The following SPC25 variants were observed in gnomAD, a reference collection of about 807,000 sequenced individuals.
The protein encoded by SPC25 is kinetochore protein Spc25.
Under a neutral mutation model 29.6 loss-of-function variants are expected in SPC25, and 22 were observed. That is an observed-to-expected ratio of 0.74 (90% CI 0.53 to 1.06). The LOEUF (loss-of-function observed/expected upper bound fraction) is 1.06. SPC25 is among the 50% of genes least tolerant of loss of function. SPC25 has a pLI of 0.00. For synonymous variants in SPC25, 91 were observed against 90.4 expected, an observed-to-expected ratio of 1.01 and a Z score of -0.04; for missense variants, 230 against 255.8, an observed-to-expected ratio of 0.90 and a Z score of 0.69.
chr2:168,874,194 C>A (rs943811389), intron 5 of SPC25, among the ~76,000 whole-genome samples: 8 of 151,968 alleles, frequency 5.3e-5, no homozygotes, highest in African/African-American at 1.9e-4. Flanking sequence ...CATTTCATAC[C>A]CAGTAGGATG....
intron 4 of SPC25, 60 bp from the exon 5 acceptor site, chr2:168,876,236 GA>G: frequency 8.5e-7 from 1 of 1,179,806 alleles, no homozygotes; most frequent in South Asian, 1.7e-5. Flanking sequence ...AATGCTCACT[GA>G]GTTAATTTTT....
intron 3 of SPC25, among the ~76,000 whole-genome samples, chr2:168,877,771 G>C (rs986985897): frequency 6.6e-6 from 1 of 151,860 alleles, no homozygotes; most frequent in South Asian, 2.1e-4. Context: ...TCTCACTGTT[G>C]CCCAGGCTGG....
downstream of SPC25, among the ~76,000 whole-genome samples, chr2:168,866,484 G>A (rs1444990395): frequency 5.9e-5 from 9 of 151,398 alleles, no homozygotes; most frequent in African/African-American, 1.5e-4. Context: ...ATTCAAGATG[G>A]ATTAAAGACT....
In SPC25 at chr2:168,871,505, C is replaced by T. The variant is rs767881744; in HGVS notation, c.601G>A (p.Val201Ile). The T allele has an allele frequency of 6.5e-5, 104 of 1,609,066 alleles. No individual in the cohort carries two copies. Among genetic ancestry groups the T allele is most frequent in the Non-Finnish European group, 7.7e-5 (91 of 1,178,152 alleles). ...LEGLAEFQEN[V>I]RKTNNFSAFL... ...GCTGAAAAATTGTTGGTCTTCCTTA[C>T]ATTCTCTTGAAATTCTGCTAGGCCC... The change falls in exon 7 of 7, where the codon GTA becomes ATA. Residue 201 changes from valine to isoleucine, a missense_variant. Physicochemically the swap from Val to Ile is conservative, Grantham distance 29. Transcript: ENST00000282074.
In SPC25 at chr2:168,889,376, A is replaced by C. The variant is rs2105840704; in HGVS notation, c.133+11T>G. 6.2e-7 allele frequency: 1 copy of C among 1,614,096 alleles called. No individual in the cohort carries two copies. Among genetic ancestry groups the C allele is most frequent in the Non-Finnish European group, 8.5e-7 (1 of 1,179,996 alleles). On this transcript the variant is annotated intron_variant, in intron 2 of 6. Coordinates refer to ENST00000282074, the MANE Select transcript of SPC25 (RefSeq NM_020675.4). ...AGCAAAACCAGCATGTTACAAGTTAACACTAGGTACCTGCAAATGCTTTGA... is the reference window on the plus strand; with the variant it reads ...AGCAAAACCAGCATGTTACAAGTTACCACTAGGTACCTGCAAATGCTTTGA...
intron 3 of SPC25, among the ~76,000 whole-genome samples, chr2:168,886,574 C>T (rs976892328): frequency 2.7e-5 from 4 of 150,876 alleles, no homozygotes; most frequent in Non-Finnish European, 5.9e-5. Context: ...GGCTGCAGTG[C>T]AGTGGCGCGA....
At chr2:168,883,917 C>T (rs2105833335) in intron 3 of SPC25, among the ~76,000 whole-genome samples, 1 of 152,144 alleles carries the variant, frequency 6.6e-6, no homozygotes, top group East Asian at 1.9e-4. Context: ...ACTACAGGCA[C>T]TCACCACCAC....
intron 6 of SPC25, among the ~76,000 whole-genome samples, chr2:168,872,926 G>T (rs6739749): frequency 0.088 from 13,428 of 152,130 alleles, 1,063 homozygotes; most frequent in African/African-American, 0.22. Context: ...TGATAGCATA[G>T]GTGTAATGAG....
rs539263155 is a variant in SPC25, at chr2:168,863,451, C to G, written n.419+10134G>C. On this transcript the variant is annotated intron_variant and non_coding_transcript_variant, in intron 4 of 4. Transcript: ENST00000479309. ...CAGAATGATGCCAAATAAAAAGTAGCTCTTGGATCCTGACGGGGGCAGATG... is the reference window on the plus strand; with the variant it reads ...CAGAATGATGCCAAATAAAAAGTAGGTCTTGGATCCTGACGGGGGCAGATG... 184 of 985,132 alleles carry G rather than the reference C, an allele frequency of 1.9e-4. 3 individuals are homozygous for G. In the African/African-American group the frequency reaches 2.8e-3, roughly 15 times the overall value. The allele number at this position is 985,132 out of a possible 1,614,324, so 61.0% of individuals were successfully genotyped here.
intron 3 of SPC25, among the ~76,000 whole-genome samples, chr2:168,888,433 T>C (rs1690308999): frequency 6.6e-6 from 1 of 151,998 alleles, no homozygotes; most frequent in Admixed American, 6.5e-5. Flanking sequence ...CAGGCGCCTG[T>C]AGTCCCAGCT....
In SPC25 at chr2:168,863,583, C is replaced by CTCCAAATTGATGTTGTAT. The variant is rs1310820711; in HGVS notation, n.419+9984_419+10001dup. On this transcript the variant is annotated intron_variant and non_coding_transcript_variant, in intron 4 of 4. Coordinates refer to the SPC25 transcript ENST00000479309. ...GAATCATTGCTTTAAAAAATATTGTCTCCAAATTGATGTTGTATTAAAGTT... is the reference window on the plus strand; with the variant it reads ...GAATCATTGCTTTAAAAAATATTGTCTCCAAATTGATGTTGTATTCCAAATTGATGTTGTATTAAAGTT... 51 of 984,890 alleles carry CTCCAAATTGATGTTGTAT rather than the reference C, an allele frequency of 5.2e-5. 1 individual carries two copies. The African/African-American group carries it at 8.0e-4, about 16-fold the overall frequency. The allele number at this position is 984,890 out of a possible 1,614,324, so 61.0% of individuals were successfully genotyped here.
At chr2:168,888,041 A>G (rs62176784) in intron 3 of SPC25, among the ~76,000 whole-genome samples, 37,395 of 152,000 alleles carry the variant, frequency 0.25, 5,420 homozygotes, top group Non-Finnish European at 0.32. Flanking sequence ...CACTTTGGGC[A>G]GCCAAAGTGA....
chr2:168,862,510 A>G (rs1403617008), intron 4 of SPC25, among the ~76,000 whole-genome samples: 1 of 150,704 alleles, frequency 6.6e-6, no homozygotes, highest in African/African-American at 2.4e-5. Context: ...CTAGACATTC[A>G]GGAATGTGAA....
At chr2:168,875,401 G>T (rs893115786) in intron 5 of SPC25, among the ~76,000 whole-genome samples, 3 of 152,106 alleles carry the variant, frequency 2.0e-5, no homozygotes, top group Non-Finnish European at 2.9e-5. Flanking sequence ...TCCATACTAT[G>T]TATTTTCCTA....
intron 3 of SPC25, among the ~76,000 whole-genome samples, chr2:168,888,926 T>C (rs1372923109): frequency 3.9e-5 from 1 of 25,396 alleles, no homozygotes; most frequent in Non-Finnish European, 7.0e-5. Flanking sequence ...TACATGTACG[T>C]GTGTGTGTGT....
At chr2:168,863,836 T>C (rs1247919002) in intron 4 of SPC25, among the ~76,000 whole-genome samples, 1 of 152,098 alleles carries the variant, frequency 6.6e-6, no homozygotes, top group African/African-American at 2.4e-5. Flanking sequence ...AGAAAGAGTT[T>C]GGTGACAATC....
At chr2:168,876,436 T>C (rs1276217059) in intron 4 of SPC25, among the ~76,000 whole-genome samples, 4 of 152,096 alleles carry the variant, frequency 2.6e-5, no homozygotes, top group African/African-American at 9.6e-5. Flanking sequence ...GTAGCATAAG[T>C]AAATAGGCCA....
chr2:168,868,464 C>T (rs1243330445), downstream of SPC25, among the ~76,000 whole-genome samples: 1 of 151,924 alleles, frequency 6.6e-6, no homozygotes, highest in South Asian at 2.1e-4. Flanking sequence ...GCTAGCAAGA[C>T]TAATTAAGAA....
At chr2:168,884,698 C>T (rs1690232247) in intron 3 of SPC25, 1 of 152,074 alleles carries the variant, frequency 6.6e-6, no homozygotes, top group African/African-American at 2.4e-5. Flanking sequence ...CTGGTCGTTT[C>T]CATTTAACTC....
Sources: allele counts gnomAD v4.1 joint callset (sites outside exome capture counted in the v4.1 genomes callset), GRCh38; gene constraint gnomAD v4.1.1; transcripts MANE v1.5; gene names NCBI Gene and HGNC (gene_info 2026-07-23, HGNC 2026-07-21).